The following RNGTT variants were observed in gnomAD, a reference collection of about 807,000 sequenced individuals.
RNGTT encodes the protein RNA guanylyltransferase and 5'-phosphatase, also known as mRNA-capping enzyme.
RNGTT carries 33 observed loss-of-function variants against 79.3 expected under a neutral mutation model. That is an observed-to-expected ratio of 0.42 (90% CI 0.32 to 0.56). The LOEUF is 0.56. RNGTT is among the 20% of genes least tolerant of loss of function. The pLI is 0.17. For missense variants in RNGTT, 497 were observed against 739.1 expected (o/e 0.67, Z 3.80); for synonymous variants, 222 against 235.9 (o/e 0.94, Z 0.54).
chr6:88,890,285 C>G (rs1011583353), intron 8 of RNGTT, among the ~76,000 whole-genome samples: 1 of 152,136 alleles, frequency 6.6e-6, no homozygotes, highest in African/African-American at 2.4e-5. Flanking sequence ...TAGCTAAGCT[C>G]TGAAACCAAA....
chr6:88,847,124 G>A (rs374709358), intron 10 of RNGTT, among the ~76,000 whole-genome samples: 8 of 151,894 alleles, frequency 5.3e-5, no homozygotes, highest in East Asian at 3.9e-4. Context: ...AAAATGTTAC[G>A]TTTTTAATGT....
At chr6:88,687,318 T>A (rs1775314500) in intron 13 of RNGTT, among the ~76,000 whole-genome samples, 1 of 152,122 alleles carries the variant, frequency 6.6e-6, no homozygotes, top group Non-Finnish European at 1.5e-5. Flanking sequence ...AAACAGACAC[T>A]CTCGTATACT....
At chr6:88,852,772 T>G (rs1400229007) in intron 9 of RNGTT, among the ~76,000 whole-genome samples, 5 of 152,166 alleles carry the variant, frequency 3.3e-5, no homozygotes, top group African/African-American at 7.2e-5. Context: ...CCTGGGAGAT[T>G]CCAATTCATA....
intron 12 of RNGTT, among the ~76,000 whole-genome samples, chr6:88,790,977 C>G (rs1779387143): frequency 6.6e-6 from 1 of 152,014 alleles, no homozygotes; most frequent in Non-Finnish European, 1.5e-5. Context: ...TCTTATTAAG[C>G]TATAACTTTG....
chr6:88,849,369 C>G (rs1781591695), intron 10 of RNGTT, among the ~76,000 whole-genome samples: 1 of 151,938 alleles, frequency 6.6e-6, no homozygotes, highest in African/African-American at 2.4e-5. Flanking sequence ...ATTTATTACC[C>G]ATTCAACAGC....
At chr6:88,745,306 G>A (rs962631009) in intron 13 of RNGTT, among the ~76,000 whole-genome samples, 7 of 152,270 alleles carry the variant, frequency 4.6e-5, no homozygotes, top group East Asian at 3.9e-4. Context: ...TGCAAAAAGT[G>A]CGTAACCTCA....
intron 13 of RNGTT, among the ~76,000 whole-genome samples, chr6:88,745,185 T>A (rs1777622123): frequency 6.6e-6 from 1 of 152,212 alleles, no homozygotes; most frequent in African/African-American, 2.4e-5. Flanking sequence ...AAACTCCGCA[T>A]ATACCACCTT....
intron 13 of RNGTT, among the ~76,000 whole-genome samples, chr6:88,727,552 A>G (rs545495823): frequency 1.3e-5 from 2 of 152,246 alleles, no homozygotes; most frequent in Non-Finnish European, 2.9e-5. Context: ...TTATGGTCAG[A>G]CATTAAAATT....
intron 13 of RNGTT, among the ~76,000 whole-genome samples, chr6:88,681,074 G>A (rs1337563150): frequency 1.3e-5 from 2 of 152,100 alleles, no homozygotes; most frequent in Non-Finnish European, 2.9e-5. Flanking sequence ...GTTATATATA[G>A]CAGTAGTTTA....
chr6:88,931,948 A>G (rs1784525543), intron 2 of RNGTT, among the ~76,000 whole-genome samples: 1 of 152,010 alleles, frequency 6.6e-6, no homozygotes, highest in Admixed American at 6.6e-5. Context: ...AGATCTGGGC[A>G]CCTTGAAAAA....
At chr6:88,840,010 T>C (rs536754977) in intron 11 of RNGTT, among the ~76,000 whole-genome samples, 5 of 152,320 alleles carry the variant, frequency 3.3e-5, no homozygotes, top group Middle Eastern at 6.8e-3. Flanking sequence ...AAGATACACA[T>C]ATGAAATTCT....
chr6:88,648,497 A>AATAATAATAAT (rs1562169907), intron 14 of RNGTT, among the ~76,000 whole-genome samples: 9 of 120,858 alleles, frequency 7.4e-5, no homozygotes, highest in African/African-American at 2.6e-4. Context: ...ATAATAATAA[A>AATAATAATAAT]AAATTCTAAC....
At chr6:88,937,045 A>C (rs1784686848) in intron 2 of RNGTT, among the ~76,000 whole-genome samples, 1 of 152,182 alleles carries the variant, frequency 6.6e-6, no homozygotes, top group Non-Finnish European at 1.5e-5. Context: ...ATACTTGTTC[A>C]TAATAGTCTT....
chr6:88,869,951 T>C (rs1166049769), intron 8 of RNGTT, among the ~76,000 whole-genome samples: 7 of 152,168 alleles, frequency 4.6e-5, no homozygotes. Flanking sequence ...AATGCCATTC[T>C]AGATAATTCA....
intron 4 of RNGTT, among the ~76,000 whole-genome samples, chr6:88,911,057 T>G (rs1030829404): frequency 5.3e-5 from 8 of 151,994 alleles, no homozygotes; most frequent in African/African-American, 1.9e-4. Flanking sequence ...CCACAGACCC[T>G]ATAAAACAAC....
At chr6:88,938,312 G>C (rs954182919) in intron 2 of RNGTT, among the ~76,000 whole-genome samples, 1 of 151,898 alleles carries the variant, frequency 6.6e-6, no homozygotes, top group Non-Finnish European at 1.5e-5. Context: ...TACTGTTTTT[G>C]ACTTAAAGTC....
At chr6:88,638,224 A>G (rs1773172194) in intron 14 of RNGTT, among the ~76,000 whole-genome samples, 1 of 152,164 alleles carries the variant, frequency 6.6e-6, no homozygotes, top group African/African-American at 2.4e-5. Context: ...CTAATCTGCC[A>G]AATTTCTCTA....
In RNGTT at chr6:88,938,244, T is replaced by G. The variant is rs566427356; in HGVS notation, c.174+2827A>C. 1.1e-4 allele frequency among the ~76,000 whole-genome samples: 16 copies of G among 152,322 alleles called. No homozygotes were observed. In the South Asian group the frequency reaches 3.3e-3, roughly 32 times the overall value. On this transcript the variant is annotated intron_variant, in intron 2 of 15. Transcript: ENST00000369485. ...AGTGCATATATGTTTAGAATTGTTATATCCTCTTGCCAAACTGATCCTTTT... is the reference window on the plus strand; with the variant it reads ...AGTGCATATATGTTTAGAATTGTTAGATCCTCTTGCCAAACTGATCCTTTT...
At chr6:88,771,350 T>TATATATATATATATAC (rs376503141) in intron 12 of RNGTT, among the ~76,000 whole-genome samples, 5 of 116,254 alleles carry the variant, frequency 4.3e-5, no homozygotes, top group African/African-American at 1.9e-4. Flanking sequence ...TATATATATA[T>TATATATATATATATAC]ACACACACAC....
Sources: allele counts gnomAD v4.1 joint callset (sites outside exome capture counted in the v4.1 genomes callset), GRCh38; gene constraint gnomAD v4.1.1; transcripts MANE v1.5; gene names NCBI Gene and HGNC (gene_info 2026-07-23, HGNC 2026-07-21).